The following NPIPB15 variants were observed in gnomAD, a reference collection of about 807,000 sequenced individuals.
NPIPB15 encodes the protein nuclear pore complex interacting protein family member B15.
A neutral mutation model predicts 35.9 loss-of-function variants in NPIPB15; 5 were observed. That is an observed-to-expected ratio of 0.14 (90% CI 0.07 to 0.29). The LOEUF is 0.29. Ranked by LOEUF, NPIPB15 falls within the 10% of genes least tolerant of loss-of-function variation. NPIPB15 has a pLI of 1.00. For missense variants in NPIPB15, 100 were observed against 506.1 expected, an observed-to-expected ratio of 0.20 and a Z score of 7.70; for synonymous variants, 43 against 182.0, an observed-to-expected ratio of 0.24 and a Z score of 6.15.
At chr16:74,381,148 C>CAAAAA (rs1166274271) in intron 2 of NPIPB15, among the ~76,000 whole-genome samples, 766 of 71,134 alleles carry the variant, frequency 0.011, no homozygotes, top group East Asian at 0.014. Flanking sequence ...ACTCTGTCTC[C>CAAAAA]AAAAAAAAAA....
At chr16:74,381,146 T>A (rs1185323987) in intron 2 of NPIPB15, among the ~76,000 whole-genome samples, 5 of 63,112 alleles carry the variant, frequency 7.9e-5, no homozygotes, top group South Asian at 4.3e-4. Flanking sequence ...GAACTCTGTC[T>A]CCAAAAAAAA....
chr16:74,378,776 C>A (rs1267870509), intron 2 of NPIPB15, among the ~76,000 whole-genome samples: 51 of 150,584 alleles, frequency 3.4e-4, no homozygotes, highest in South Asian at 8.4e-4. Flanking sequence ...TAAACCGACC[C>A]CCTTTCAAGA....
At chr16:74,378,791 C>T (rs1479429380) in intron 2 of NPIPB15, among the ~76,000 whole-genome samples, 12 of 151,310 alleles carry the variant, frequency 7.9e-5, no homozygotes, top group Non-Finnish European at 1.2e-4. Context: ...TCAAGATCTA[C>T]ATTATTTTAT....
At chr16:74,380,285 G>A (rs1351636685) in intron 2 of NPIPB15, among the ~76,000 whole-genome samples, 1 of 151,754 alleles carries the variant, frequency 6.6e-6, no homozygotes, top group African/African-American at 2.4e-5. Context: ...GCAGGCGCCT[G>A]TAATCCCAGT....
intron 5 of NPIPB15, among the ~76,000 whole-genome samples, chr16:74,387,091 G>A (rs189557129): frequency 0.11 from 16,911 of 149,300 alleles, 990 homozygotes; most frequent in East Asian, 0.4. Context: ...GGATGGTCAC[G>A]GGTCCTCCAT....
At chr16:74,384,659 A>C (rs1222520713) in intron 3 of NPIPB15, among the ~76,000 whole-genome samples, 4 of 136,076 alleles carry the variant, frequency 2.9e-5, no homozygotes, top group Admixed American at 8.2e-5. Flanking sequence ...GAGCTACCGC[A>C]CCTGGCCTAT....
intron 2 of NPIPB15, among the ~76,000 whole-genome samples, chr16:74,379,198 C>T (rs926183739): frequency 6.8e-4 from 104 of 152,290 alleles, no homozygotes; most frequent in African/African-American, 2.1e-3. Flanking sequence ...TGGAATTTCG[C>T]GTATACAGAT....
chr16:74,380,775 G>A (rs567532031), intron 2 of NPIPB15, among the ~76,000 whole-genome samples: 8,769 of 140,386 alleles, frequency 0.062, 52 homozygotes, highest in East Asian at 0.089. Flanking sequence ...AGTGAGCCGA[G>A]AGCACGCCAC....
chr16:74,387,470 T>C (rs1053899631), intron 5 of NPIPB15, among the ~76,000 whole-genome samples: 17 of 148,156 alleles, frequency 1.1e-4, no homozygotes, highest in African/African-American at 3.9e-4. Context: ...GGGTTTTATA[T>C]TCTGTTTGGT....
intron 3 of NPIPB15, among the ~76,000 whole-genome samples, chr16:74,382,430 G>A: frequency 6.6e-6 from 1 of 151,618 alleles, no homozygotes; most frequent in South Asian, 2.1e-4. Flanking sequence ...TGCCCTCCAA[G>A]AGAATCAATG....
At chr16:74,389,126 G>A (rs1567416570) in intron 5 of NPIPB15, among the ~76,000 whole-genome samples, 1 of 143,460 alleles carries the variant, frequency 7.0e-6, no homozygotes, top group African/African-American at 2.6e-5. Context: ...TGTTGTTGTA[G>A]GATCAACCAC....
Position 74,391,654 on chromosome 16 carries a change from C to G in NPIPB15, c.906C>G (p.Leu302=), listed in dbSNP as rs1170217555. 6.3e-7 allele frequency: 1 copy of G among 1,598,046 alleles called. No homozygotes were observed. The highest frequency in any genetic ancestry group is 2.3e-5 in the East Asian group (1 of 44,074). Residue 302 remains leucine (L), a synonymous_variant, in exon 8 of 8, where the codon CTC becomes CTG. Coordinates refer to ENST00000692376, the MANE Select transcript of NPIPB15 (RefSeq NM_001306094.2). ...PSVDDNLKEY[L]LVPLPPSPLP... is the part of the protein sequence containing the mutation. ...TGGATGATAATCTGAAGGAGTATCT[C>G]CTGGTCCCTCTTCCACCCTCTCCTC...
chr16:74,389,964 C>CA (rs1428755416), intron 6 of NPIPB15, 31 bp from the exon 7 acceptor site: 1 of 1,595,758 alleles, frequency 6.3e-7, no homozygotes, highest in African/African-American at 1.3e-5. Context: ...ACTCTCTCAA[C>CA]ATTCAATTTC....
intron 3 of NPIPB15, among the ~76,000 whole-genome samples, chr16:74,385,122 C>T (rs1483734135): frequency 2.0e-5 from 3 of 148,716 alleles, no homozygotes; most frequent in Non-Finnish European, 4.4e-5. Context: ...TCAAACGGTT[C>T]TCTGCCTCAG....
chr16:74,377,595 C>G (rs1357567227), intron 1 of NPIPB15, among the ~76,000 whole-genome samples: 2 of 152,068 alleles, frequency 1.3e-5, no homozygotes, highest in Non-Finnish European at 2.9e-5. Flanking sequence ...GCCTCACGCT[C>G]CCTTGCCCCA....
intron 5 of NPIPB15, among the ~76,000 whole-genome samples, chr16:74,389,043 A>G (rs1408678754): frequency 1.2e-3 from 177 of 149,036 alleles, no homozygotes; most frequent in African/African-American, 4.2e-3. Context: ...ATTGCCAGCT[A>G]GACTGTGTGG....
intron 3 of NPIPB15, among the ~76,000 whole-genome samples, chr16:74,382,714 CT>C (rs2012058124): frequency 6.6e-6 from 1 of 152,244 alleles, no homozygotes; most frequent in Non-Finnish European, 1.5e-5. Context: ...TACCACAATG[CT>C]TTTTTATATT....
rs1321187993 is a variant in NPIPB15 at position 74,388,945 on chromosome 16, G to C, written c.546-880G>C. The C allele has an allele frequency of 5.5e-6, 5 of 916,122 alleles. No homozygotes were observed. The African/African-American group carries it at 5.6e-5, about 10-fold the overall frequency. The allele number at this position is 916,122 out of a possible 1,614,324, so 56.7% of individuals were successfully genotyped here. A position where few individuals can be genotyped will look rare whatever the true frequency, so the allele number is the denominator to read the frequency against. ...TGGTCAGAAGACCTATCGTGAGAGA[G>C]AGAGAGAGTTCACAAAACAGAAAAC... On this transcript the variant is annotated intron_variant, in intron 5 of 7. Coordinates refer to ENST00000692376, the MANE Select transcript of NPIPB15 (RefSeq NM_001306094.2).
intron 1 of NPIPB15, among the ~76,000 whole-genome samples, chr16:74,377,667 G>C (rs1178587280): frequency 2.0e-5 from 3 of 151,800 alleles, no homozygotes; most frequent in Non-Finnish European, 4.4e-5. Flanking sequence ...ACCAGCGCTT[G>C]AGAACTTAAT....
Sources: gnomAD v4.1 joint callset for allele counts (sites outside exome capture counted in the v4.1 genomes callset) on GRCh38, gnomAD v4.1.1 for gene constraint, MANE v1.5 for transcripts, NCBI Gene and HGNC (gene_info 2026-07-23, HGNC 2026-07-21) for gene names.